YAF2: variants seen among roughly 807,000 people sequenced by gnomAD.
YAF2 encodes the protein YY1 associated factor 2.
YAF2 carries 7 observed loss-of-function variants against 20.1 expected under a neutral mutation model. That is an observed-to-expected ratio of 0.35 (90% CI 0.20 to 0.65). The LOEUF is 0.65. YAF2 is among the 30% of genes least tolerant of loss of function. The probability of loss-of-function intolerance (pLI) is 0.69; values close to 1 mark genes in which losing one functional copy is unlikely to be tolerated. For synonymous variants in YAF2, 74 were observed against 76.0 expected (o/e 0.97, Z 0.14); for missense variants, 151 against 219.2 (o/e 0.69, Z 1.96).
chr12:42,228,092 A>C, intron 2 of YAF2, among the ~76,000 whole-genome samples: 1 of 71,706 alleles, frequency 1.4e-5, no homozygotes, highest in Non-Finnish European at 2.6e-5. Flanking sequence ...AGCCGCCCCT[A>C]CTGGGAAGTG....
Position 42,235,962 on chromosome 12 carries a change from G to C in YAF2, c.152+1637C>G, listed in dbSNP as rs763282136. On this transcript the variant is annotated intron_variant, in intron 2 of 3. Coordinates refer to ENST00000534854, the MANE Select transcript of YAF2 (RefSeq NM_005748.6). ...TCCTCTAACCCCAAGACTGGCTGTGGAGTAGGACACCAGCTTCCCCCCTTC... is the reference window on the plus strand; with the variant it reads ...TCCTCTAACCCCAAGACTGGCTGTGCAGTAGGACACCAGCTTCCCCCCTTC... The C allele has an allele frequency of 2.0e-6, 3 of 1,536,050 alleles. No individual in the cohort carries two copies. The South Asian group carries it at 3.6e-5, about 18-fold the overall frequency.
chr12:42,202,077 C>T (rs565682254), intron 2 of YAF2, among the ~76,000 whole-genome samples: 1 of 152,098 alleles, frequency 6.6e-6, no homozygotes, highest in Non-Finnish European at 1.5e-5. Context: ...TTTATTTTCA[C>T]GTATTGCTTG....
At chr12:42,236,906 CAG>C (rs2068179208) in intron 2 of YAF2, among the ~76,000 whole-genome samples, 1 of 152,096 alleles carries the variant, frequency 6.6e-6, no homozygotes, top group African/African-American at 2.4e-5. Flanking sequence ...TTTTAAAAGA[CAG>C]AGTTATTATA....
rs73281848 is a variant in YAF2 at position 42,180,581 on chromosome 12, G to A, written c.153-18816C>T. On this transcript the variant is annotated intron_variant, in intron 2 of 3. Coordinates refer to ENST00000534854, the MANE Select transcript of YAF2 (RefSeq NM_005748.6). ...TAGAAATCTGTGAGATATAAATGTC[G>A]GTAAGTAGCTAAGTTCCGGGTAATT... 8.6e-3 allele frequency among the ~76,000 whole-genome samples: 1,302 copies of A among 152,260 alleles called. 22 individuals carry two copies. The highest frequency in any genetic ancestry group is 0.029 in the African/African-American group (1,206 of 41,538).
At chr12:42,170,149 G>A (rs954538003) in intron 2 of YAF2, among the ~76,000 whole-genome samples, 7 of 152,128 alleles carry the variant, frequency 4.6e-5, no homozygotes, top group Admixed American at 4.6e-4. Flanking sequence ...TGGGGTTACA[G>A]GCATGAGCCA....
intron 2 of YAF2, among the ~76,000 whole-genome samples, chr12:42,196,909 G>A (rs145574483): frequency 1.3e-3 from 193 of 152,220 alleles, no homozygotes; most frequent in Non-Finnish European, 1.8e-3. Flanking sequence ...AGTCTGACTG[G>A]GACCTCAAGG....
intron 2 of YAF2, among the ~76,000 whole-genome samples, chr12:42,213,580 C>A (rs1029161897): frequency 2.0e-5 from 3 of 152,152 alleles, no homozygotes; most frequent in Non-Finnish European, 2.9e-5. Context: ...CTAAGTGTCT[C>A]ATTTTCCTTC....
chr12:42,222,296 A>G (rs2067540093), intron 2 of YAF2, among the ~76,000 whole-genome samples: 1 of 152,214 alleles, frequency 6.6e-6, no homozygotes, highest in African/African-American at 2.4e-5. Context: ...TAAACTTTCT[A>G]CCAATGTTGG....
intron 2 of YAF2, chr12:42,232,372 T>G: frequency 1.1e-6 from 1 of 937,756 alleles, no homozygotes; most frequent in Non-Finnish European, 1.3e-6. Flanking sequence ...TAAAAAGATC[T>G]CAGGGACTCT....
At chr12:42,217,381 T>C (rs1456652347) in intron 2 of YAF2, among the ~76,000 whole-genome samples, 3 of 152,104 alleles carry the variant, frequency 2.0e-5, no homozygotes, top group Non-Finnish European at 4.4e-5. Flanking sequence ...CCCATAAATA[T>C]AGGTGGGGAG....
Position 42,158,405 on chromosome 12 carries a change from T to C in YAF2, c.*2184A>G, listed in dbSNP as rs916715204. On this transcript the variant is annotated 3_prime_UTR_variant, in exon 4 of 4. Coordinates refer to ENST00000534854, the MANE Select transcript of YAF2 (RefSeq NM_005748.6). ...GTTACAAAAAATATTTTTGTATTTT[T>C]GTAATGGGATTTTACCTATAACAAT... 1 of 152,202 alleles carries C rather than the reference T, an allele frequency of 6.6e-6. No homozygotes were observed. The highest frequency in any genetic ancestry group is 2.4e-5 in the African/African-American group (1 of 41,460). 9.4% of individuals were successfully genotyped at this position (152,202 alleles called of 1,614,324 possible). A position where few individuals can be genotyped will look rare whatever the true frequency, so the allele number is the denominator to read the frequency against.
At chr12:42,168,776 T>C (rs947384249) in intron 2 of YAF2, among the ~76,000 whole-genome samples, 1 of 152,132 alleles carries the variant, frequency 6.6e-6, no homozygotes, top group Non-Finnish European at 1.5e-5. Flanking sequence ...ATTTGCACAT[T>C]TACATGTCAT....
chr12:42,235,171 G>A, intron 2 of YAF2: 1 of 990,492 alleles, frequency 1.0e-6, no homozygotes, highest in South Asian at 4.6e-5. Flanking sequence ...TCCCATCTGT[G>A]CGTCACACAA....
At chr12:42,217,659 C>CA (rs1039421982) in intron 2 of YAF2, among the ~76,000 whole-genome samples, 5 of 151,826 alleles carry the variant, frequency 3.3e-5, no homozygotes, top group Middle Eastern at 3.2e-3. Flanking sequence ...TAATTACCAC[C>CA]AAAAAAATCA....
At chr12:42,237,415 C>A (rs951854431) in intron 2 of YAF2, 184 bp downstream of exon 2, 43 of 1,292,904 alleles carry the variant, frequency 3.3e-5, no homozygotes, top group Admixed American at 4.2e-5. Context: ...TCTTCAATTA[C>A]CCCTCACCGC....
At chr12:42,179,308 A>G (rs2066279040) in intron 2 of YAF2, among the ~76,000 whole-genome samples, 2 of 152,182 alleles carry the variant, frequency 1.3e-5, no homozygotes, top group Non-Finnish European at 2.9e-5. Flanking sequence ...CGTCTCTACT[A>G]AAAATACAAA....
intron 2 of YAF2, among the ~76,000 whole-genome samples, chr12:42,180,456 T>C (rs1222270279): frequency 1.3e-5 from 2 of 152,064 alleles, no homozygotes; most frequent in African/African-American, 2.4e-5. Context: ...TCGGGACCCT[T>C]GAGAGAGCTG....
At chr12:42,209,864 T>G (rs1395445964) in intron 2 of YAF2, among the ~76,000 whole-genome samples, 2 of 152,178 alleles carry the variant, frequency 1.3e-5, no homozygotes, top group African/African-American at 4.8e-5. Flanking sequence ...AATGGCACAA[T>G]CTCAGCTCAC....
intron 2 of YAF2, among the ~76,000 whole-genome samples, chr12:42,164,643 T>C (rs928057873): frequency 3.3e-5 from 5 of 151,418 alleles, no homozygotes; most frequent in African/African-American, 1.2e-4. Flanking sequence ...CCAAAATATA[T>C]GGTAAATTGA....
Sources: allele counts gnomAD v4.1 joint callset (sites outside exome capture counted in the v4.1 genomes callset), GRCh38; gene constraint gnomAD v4.1.1; transcripts MANE v1.5; gene names NCBI Gene and HGNC (gene_info 2026-07-23, HGNC 2026-07-21).